The following ZCWPW1 variants were observed in gnomAD, a reference collection of about 807,000 sequenced individuals.
The protein encoded by ZCWPW1 is zinc finger CW-type and PWWP domain containing 1.
In ZCWPW1, 56 loss-of-function variants were observed where a neutral mutation model predicts 81.3. The ratio of observed to expected loss-of-function variants is 0.69; its 90% CI spans 0.56 to 0.86. The LOEUF is 0.86. ZCWPW1 is among the 40% of genes least tolerant of loss of function. ZCWPW1 has a pLI of 0.00. For synonymous variants in ZCWPW1, 250 were observed against 273.7 expected (o/e 0.91, Z 0.86); for missense variants, 650 against 769.8 (o/e 0.84, Z 1.84).
At chr7:100,428,050 G>C (rs997532929) in intron 1 of ZCWPW1, among the ~76,000 whole-genome samples, 2 of 152,004 alleles carry the variant, frequency 1.3e-5, no homozygotes, top group Admixed American at 1.3e-4. Flanking sequence ...TGAGGAAAAA[G>C]GGCGAAGGGC....
intron 12 of ZCWPW1, 132 bp downstream of exon 12, chr7:100,406,562 A>T: frequency 1.2e-6 from 1 of 817,236 alleles, no homozygotes; most frequent in Non-Finnish European, 1.9e-6. Flanking sequence ...TTCATGAATT[A>T]CCTCACCCTT....
At chr7:100,414,797 C>T (rs992891732) in intron 8 of ZCWPW1, among the ~76,000 whole-genome samples, 4 of 152,150 alleles carry the variant, frequency 2.6e-5, no homozygotes, top group Non-Finnish European at 4.4e-5. Flanking sequence ...GAGGCCGAAG[C>T]GGGCAGATCA....
chr7:100,401,488 G>C (rs1791871580), intron 17 of ZCWPW1, 152 bp from the exon 18 acceptor site: 1 of 797,280 alleles, frequency 1.3e-6, no homozygotes, highest in Non-Finnish European at 1.9e-6. Context: ...ATCAGAAAGA[G>C]AGTCAAGCCG....
chr7:100,419,869 G>A lies in ZCWPW1; in HGVS notation c.43C>T (p.Pro15Ser). ...LQNKEECGKG[P>S]KRIFAPPAQK... ...GCAGGTGGGGCAAAGATTCTCTTTG[G>A]TCCCTTTCCACATTCTGAAAGAAAT... Residue 15 changes from proline to serine, a missense_variant, in exon 4 of 18, where the codon CCA becomes TCA. Coordinates refer to ENST00000684423, the MANE Select transcript of ZCWPW1 (RefSeq NM_001386010.1). 5 of 1,576,642 alleles carry A rather than the reference G, an allele frequency of 3.2e-6. No individual in the cohort carries two copies. The South Asian group carries it at 4.7e-5, about 15-fold the overall frequency.
In ZCWPW1 at chr7:100,411,195, A is replaced by C. The variant is rs769771626; in HGVS notation, c.755-1651T>G. On this transcript the variant is annotated intron_variant, in intron 8 of 17. Transcript: ENST00000684423. ...TGGCTCCTAATCCCATCCCTCCAGAATCATCCCTCAGAAAAGTTGACGTGC... is the reference window on the plus strand; with the variant it reads ...TGGCTCCTAATCCCATCCCTCCAGACTCATCCCTCAGAAAAGTTGACGTGC... 2.0e-5 allele frequency among the ~76,000 whole-genome samples: 3 copies of C among 152,268 alleles called. No individual in the cohort carries two copies. The South Asian group carries it at 6.2e-4, about 32-fold the overall frequency.
chr7:100,406,827 C>A (rs1435775585), intron 11 of ZCWPW1, 29 bp from the exon 12 acceptor site: 1 of 1,587,972 alleles, frequency 6.3e-7, no homozygotes, highest in Non-Finnish European at 8.6e-7. Flanking sequence ...CTGTTACGGA[C>A]TCCTGTCCTG....
At chr7:100,415,678 C>T (rs1386291544) in intron 8 of ZCWPW1, among the ~76,000 whole-genome samples, 1 of 152,190 alleles carries the variant, frequency 6.6e-6, no homozygotes, top group Non-Finnish European at 1.5e-5. Context: ...CTTACCACAT[C>T]TTCTATTACC....
chr7:100,425,389 T>C (rs1797137709), intron 1 of ZCWPW1, among the ~76,000 whole-genome samples: 1 of 152,068 alleles, frequency 6.6e-6, no homozygotes, highest in Non-Finnish European at 1.5e-5. Context: ...AACCATATTC[T>C]CATCACTCAA....
At chr7:100,410,984 C>A (rs1218248276) in intron 8 of ZCWPW1, among the ~76,000 whole-genome samples, 1 of 152,146 alleles carries the variant, frequency 6.6e-6, no homozygotes, top group African/African-American at 2.4e-5. Context: ...AAACACCAAC[C>A]AGAATGAACC....
intron 12 of ZCWPW1, among the ~76,000 whole-genome samples, chr7:100,405,341 T>C (rs1261232103): frequency 7.9e-5 from 12 of 151,776 alleles, no homozygotes. Context: ...GGCAGAGAAC[T>C]GCTTGAACCC....
chr7:100,426,675 C>T (rs1278085928), intron 1 of ZCWPW1, among the ~76,000 whole-genome samples: 1 of 147,194 alleles, frequency 6.8e-6, no homozygotes, highest in Non-Finnish European at 1.5e-5. Flanking sequence ...CTCCTTCCTC[C>T]CTCTTCCCTC....
intron 10 of ZCWPW1, 33 bp from the exon 11 acceptor site, chr7:100,407,336 G>A (rs1292949866): frequency 2.5e-6 from 4 of 1,584,776 alleles, no homozygotes; most frequent in Admixed American, 3.4e-5. Flanking sequence ...GGGGACAGAA[G>A]AGAAGGGGTT....
chr7:100,405,488 C>G (rs1388016646), intron 12 of ZCWPW1, among the ~76,000 whole-genome samples: 1 of 152,120 alleles, frequency 6.6e-6, no homozygotes, highest in Non-Finnish European at 1.5e-5. Flanking sequence ...GTGACCCCAG[C>G]ATACTGCTAC....
Position 100,409,527 on chromosome 7 carries a change from C to A in ZCWPW1, c.772G>T (p.Val258Phe). 6.2e-7 allele frequency: 1 copy of A among 1,613,854 alleles called. No individual in the cohort carries two copies. ...CCACAGTTTGGGAAGGAACACTGGACCCAGACCAGACATTGACCTGTGAGA... is the reference window on the plus strand; with the variant it reads ...CCACAGTTTGGGAAGGAACACTGGAACCAGACCAGACATTGACCTGTGAGA... Reference protein sequence around the residue: ...ISGFGQCLVWVQCSFPNCGKW... With the variant: ...ISGFGQCLVWFQCSFPNCGKW... The change falls in exon 9 of 18, where the codon GTC (valine) becomes TTC (phenylalanine). Residue 258 changes from valine to phenylalanine, a missense_variant. By Grantham distance (50) the Val-to-Phe change is conservative. Transcript: ENST00000684423.
chr7:100,411,514 C>A (rs550579306), intron 8 of ZCWPW1, among the ~76,000 whole-genome samples: 2 of 152,296 alleles, frequency 1.3e-5, no homozygotes, highest in South Asian at 4.1e-4. Flanking sequence ...AGTGATCCAC[C>A]CTCCTCAGCC....
chr7:100,425,962 A>G (rs557266141), intron 1 of ZCWPW1, among the ~76,000 whole-genome samples: 1 of 152,300 alleles, frequency 6.6e-6, no homozygotes, highest in African/African-American at 2.4e-5. Context: ...TCTCAAACCA[A>G]AAAGTTTGAG....
At position 100,419,623 on chromosome 7, in the gene ZCWPW1, C is replaced by T. The variant is rs1795991985; in HGVS notation, c.282+7G>A. On this transcript the variant is annotated splice_region_variant and intron_variant, in intron 4 of 17. Transcript: ENST00000684423. ...CTCCTACCAGAGCCCACCACTATGACTGGTACCTTTTCTTTCTTCTCTGCT... is the reference window on the plus strand; with the variant it reads ...CTCCTACCAGAGCCCACCACTATGATTGGTACCTTTTCTTTCTTCTCTGCT... 1.2e-6 allele frequency: 2 copies of T among 1,607,548 alleles called. No homozygotes were observed. The highest frequency in any genetic ancestry group is 2.2e-5 in the East Asian group (1 of 44,862).
chr7:100,414,715 T>C (rs1005404672), intron 8 of ZCWPW1, among the ~76,000 whole-genome samples: 2 of 152,134 alleles, frequency 1.3e-5, no homozygotes, highest in Non-Finnish European at 2.9e-5. Context: ...TGATCTGTTT[T>C]ATTTCTTGTC....
At chr7:100,428,505 T>G (rs1405727425) in intron 1 of ZCWPW1, 63 bp downstream of exon 1, 1 of 152,626 alleles carries the variant, frequency 6.6e-6, no homozygotes, top group Non-Finnish European at 1.5e-5. Flanking sequence ...TCAGACTGCC[T>G]TTTCCTCCCT....
Sources: allele counts gnomAD v4.1 joint callset (sites outside exome capture counted in the v4.1 genomes callset), GRCh38; gene constraint gnomAD v4.1.1; transcripts MANE v1.5; gene names NCBI Gene and HGNC (gene_info 2026-07-23, HGNC 2026-07-21).